The following PPP4R3B variants were observed in gnomAD, a reference collection of about 807,000 sequenced individuals.
The protein encoded by PPP4R3B is protein phosphatase 4 regulatory subunit 3B, also known as serine/threonine-protein phosphatase 4 regulatory subunit 3B.
A neutral mutation model predicts 95.4 loss-of-function variants in PPP4R3B; 52 were observed. The ratio of observed to expected loss-of-function variants is 0.54; its 90% CI spans 0.44 to 0.69. The LOEUF is 0.69. PPP4R3B is among the 30% of genes least tolerant of loss of function. The probability of loss-of-function intolerance (pLI) is 0.00; values close to 1 mark genes in which losing one functional copy is unlikely to be tolerated. For missense variants in PPP4R3B, 1,003 were observed against 1,005.9 expected (o/e 1.00, Z 0.04); for synonymous variants, 407 against 343.9 (o/e 1.18, Z -2.03).
At chr2:55,603,433 G>C (rs932079427) in intron 3 of PPP4R3B, among the ~76,000 whole-genome samples, 1 of 152,164 alleles carries the variant, frequency 6.6e-6, no homozygotes, top group Non-Finnish European at 1.5e-5. Flanking sequence ...AATAAGAGGA[G>C]ATGTTTGTCT....
rs761118213 is a variant in PPP4R3B at position 55,558,731 on chromosome 2, C to T, written c.2454+44G>A. On this transcript the variant is annotated intron_variant, in intron 16 of 16. Coordinates refer to ENST00000616407, the MANE Select transcript of PPP4R3B (RefSeq NM_001122964.3). ...TTTCAGTAAACATGAAAAAATCTCA[C>T]AGACGGGAAAAGCAAAGTTTGTGTG... The T allele has an allele frequency of 2.9e-6, 4 of 1,370,500 alleles. No individual in the cohort carries two copies. In the Admixed American group the frequency reaches 7.7e-5, roughly 26 times the overall value. The allele number at this position is 1,370,500 out of a possible 1,614,324, so 84.9% of individuals were successfully genotyped here.
At chr2:55,616,973 G>A (rs761296358) in intron 1 of PPP4R3B, among the ~76,000 whole-genome samples, 171 bp downstream of exon 1, 4 of 152,112 alleles carry the variant, frequency 2.6e-5, no homozygotes, top group Non-Finnish European at 5.9e-5. Context: ...GGTCTCCGAG[G>A]ATAAGTCCAG....
chr2:55,586,783 G>A, intron 5 of PPP4R3B, 49 bp from the exon 6 acceptor site: 3 of 1,110,234 alleles, frequency 2.7e-6, no homozygotes, highest in Non-Finnish European at 4.1e-6. Flanking sequence ...TAAACTTGGG[G>A]CACACTATAG....
rs759624839 is a variant in PPP4R3B at position 55,588,968 on chromosome 2, AAAT to A, written c.922-15_922-13del. On this transcript the variant is annotated splice_polypyrimidine_tract_variant and intron_variant, in intron 4 of 16. Coordinates refer to ENST00000616407, the MANE Select transcript of PPP4R3B (RefSeq NM_001122964.3). ...AACTTCTCATCTTCCTGCATGAGAA[AAAT>A]AATTACTATGAAATATTAACAAAAG... is the stretch of plus-strand genomic sequence containing the variant. The A allele has an allele frequency of 4.0e-6, 6 of 1,502,162 alleles. No homozygotes were observed. The highest frequency in any genetic ancestry group is 3.4e-5 in the South Asian group (3 of 87,416). 93.1% of individuals were successfully genotyped at this position (1,502,162 alleles called of 1,614,324 possible).
In PPP4R3B at chr2:55,598,974, T is replaced by C; in HGVS notation, c.363A>G (p.Arg121=). Residue 121 remains arginine, a synonymous_variant, in exon 4 of 17, where the codon CGA becomes CGG. Transcript: ENST00000616407. The part of the protein sequence containing the change: ...QDLIDESEEE[R]FEEMPETSHL... ...GACTAGTTTCAGGCATTTCTTCAAA[T>C]CGTTCTTCTTCAGATTCATCAATGA... 1 of 1,614,122 alleles carries C rather than the reference T, an allele frequency of 6.2e-7. No homozygotes were observed. Among genetic ancestry groups the C allele is most frequent in the Admixed American group, 1.7e-5 (1 of 60,030 alleles).
chr2:55,550,445 G>A (rs1558927208), intron 16 of PPP4R3B, among the ~76,000 whole-genome samples: 1 of 152,122 alleles, frequency 6.6e-6, no homozygotes, highest in Non-Finnish European at 1.5e-5. Flanking sequence ...TATTTTCATT[G>A]TGCTTTTGAA....
intron 2 of PPP4R3B, among the ~76,000 whole-genome samples, chr2:55,608,723 G>A (rs1693752305): frequency 6.6e-6 from 1 of 152,218 alleles, no homozygotes; most frequent in African/African-American, 2.4e-5. Flanking sequence ...GGAGGCTCAT[G>A]CCTGTAATCC....
intron 13 of PPP4R3B, among the ~76,000 whole-genome samples, chr2:55,566,792 A>G (rs1027084440): frequency 6.6e-6 from 1 of 152,178 alleles, no homozygotes; most frequent in African/African-American, 2.4e-5. Context: ...GAACTGGTTG[A>G]GCCTAGGCGT....
intron 16 of PPP4R3B, among the ~76,000 whole-genome samples, chr2:55,556,172 G>A (rs954857436): frequency 2.6e-5 from 4 of 152,128 alleles, no homozygotes; most frequent in African/African-American, 9.7e-5. Context: ...AATTAAAGTG[G>A]TGCTTAACTT....
chr2:55,555,313 A>G (rs1329944469), intron 16 of PPP4R3B, among the ~76,000 whole-genome samples: 1 of 150,724 alleles, frequency 6.6e-6, no homozygotes, highest in African/African-American at 2.4e-5. Flanking sequence ...AAAGAAAAAG[A>G]GTATTCTTTC....
Position 55,585,151 on chromosome 2 carries a change from T to C in PPP4R3B, c.1133A>G (p.Gln378Arg). The change falls in exon 7 of 17, where the codon CAA becomes CGA. Residue 378 changes from glutamine (Q) to arginine (R), a missense_variant. Gln to Arg is a conservative substitution (Grantham distance 43, BLOSUM62 1). This residue lies in a region of PPP4R3B where 695 missense variants were observed against 686.2 expected (regional missense o/e 1.01). Transcript: ENST00000616407. ...TATATCTGTAGCAGCTGATCTGACT[T>C]GCAAATCATCCATGCCCTGATAAAA... ...LEIVMGMDDL[Q>R]VRSAATDIFS... 1 of 1,608,396 alleles carries C rather than the reference T, an allele frequency of 6.2e-7. No individual in the cohort carries two copies. The highest frequency in any genetic ancestry group is 8.5e-7 in the Non-Finnish European group (1 of 1,177,870).
At chr2:55,592,768 A>G (rs1691215194) in intron 4 of PPP4R3B, among the ~76,000 whole-genome samples, 1 of 152,228 alleles carries the variant, frequency 6.6e-6, no homozygotes, top group South Asian at 2.1e-4. Flanking sequence ...CCTATCCTCC[A>G]TCATTTCTAG....
At chr2:55,602,683 A>T (rs1040720708) in intron 3 of PPP4R3B, among the ~76,000 whole-genome samples, 30 of 152,234 alleles carry the variant, frequency 2.0e-4, no homozygotes, top group African/African-American at 5.8e-4. Context: ...TGCTGGGAGA[A>T]GTAAGTGCTG....
At chr2:55,612,911 A>C (rs1038166598) in intron 2 of PPP4R3B, among the ~76,000 whole-genome samples, 2 of 151,424 alleles carry the variant, frequency 1.3e-5, no homozygotes, top group Non-Finnish European at 2.9e-5. Flanking sequence ...GCACCACCAC[A>C]CTGCAGCATG....
chr2:55,590,165 T>C (rs918919815), intron 4 of PPP4R3B, among the ~76,000 whole-genome samples: 1 of 150,160 alleles, frequency 6.7e-6, no homozygotes, highest in Non-Finnish European at 1.5e-5. Context: ...CCGTCTCCAC[T>C]AAAAATACAA....
Position 55,600,375 on chromosome 2 carries a change from G to A in PPP4R3B, c.298-1336C>T, listed in dbSNP as rs141612987. On this transcript the variant is annotated intron_variant, in intron 3 of 16. Coordinates refer to ENST00000616407, the MANE Select transcript of PPP4R3B (RefSeq NM_001122964.3). ...TGGGAGGCGGAGGTTGCAGTGAGCC[G>A]AGATCACACCACTGCACTCTTGCCT... Among the ~76,000 whole-genome samples the A allele has an allele frequency of 4.5e-3, 520 of 116,336 alleles. 3 individuals carry two copies. Among genetic ancestry groups the A allele is most frequent in the African/African-American group, 0.015 (441 of 29,996 alleles). 76.3% of individuals were successfully genotyped at this position (116,336 alleles called of 152,430 possible).
chr2:55,581,774 A>G (rs912471429), intron 7 of PPP4R3B, 76 bp from the exon 8 acceptor site: 7 of 1,475,040 alleles, frequency 4.7e-6, no homozygotes, highest in Non-Finnish European at 6.4e-6. Flanking sequence ...ACACCAACTG[A>G]AAGAGCAAAG....
chr2:55,600,110 T>C (rs1249520840), intron 3 of PPP4R3B, among the ~76,000 whole-genome samples: 1 of 152,192 alleles, frequency 6.6e-6, no homozygotes, highest in African/African-American at 2.4e-5. Flanking sequence ...ACCATCAAAC[T>C]TTTTCAGGGA....
chr2:55,588,557 C>T (rs932673850), intron 5 of PPP4R3B, among the ~76,000 whole-genome samples: 3 of 150,640 alleles, frequency 2.0e-5, no homozygotes, highest in Admixed American at 6.6e-5. Context: ...GGCTATAATG[C>T]GAATGTCTGC....
Sources: allele counts gnomAD v4.1 joint callset (sites outside exome capture counted in the v4.1 genomes callset), GRCh38; gene constraint gnomAD v4.1.1; regional missense constraint gnomAD v4.1.1; transcripts MANE v1.5; gene names NCBI Gene and HGNC (gene_info 2026-07-23, HGNC 2026-07-21).